The following OSTM1 variants were observed in gnomAD, a reference collection of about 807,000 sequenced individuals.
OSTM1 encodes osteoclastogenesis associated transmembrane protein 1.
In OSTM1, 26 loss-of-function variants were observed where a neutral mutation model predicts 35.4. That is an observed-to-expected ratio of 0.73 (90% CI 0.54 to 1.02). OSTM1 has a LOEUF of 1.02. Among genes scored for constraint, OSTM1 ranks in the 50% least tolerant of loss-of-function variants. The pLI is 0.00. For missense variants in OSTM1, 366 were observed against 409.6 expected, an observed-to-expected ratio of 0.89 and a Z score of 0.92; for synonymous variants, 181 against 165.0, an observed-to-expected ratio of 1.10 and a Z score of -0.75.
chr6:108,070,503 C>T (rs180783866), intron 1 of OSTM1, among the ~76,000 whole-genome samples: 13 of 152,202 alleles, frequency 8.5e-5, no homozygotes, highest in Non-Finnish European at 1.9e-4. Flanking sequence ...TCTTTTCCTT[C>T]TTATCCTTTT....
chr6:108,069,422 T>G (rs1158370599), intron 1 of OSTM1, among the ~76,000 whole-genome samples: 1 of 152,216 alleles, frequency 6.6e-6, no homozygotes, highest in Non-Finnish European at 1.5e-5. Context: ...GTATATTGAA[T>G]ACTCACCAAA....
chr6:108,049,119 G>T, intron 5 of OSTM1, 134 bp downstream of exon 5: 1 of 663,658 alleles, frequency 1.5e-6, no homozygotes, highest in Non-Finnish European at 2.6e-6. Context: ...AAGCATGATT[G>T]TAAAACTTAA....
chr6:108,064,084 A>AGT, intron 2 of OSTM1, 101 bp downstream of exon 2: 1 of 714,984 alleles, frequency 1.4e-6, no homozygotes, highest in South Asian at 1.5e-5. Flanking sequence ...AGCAATAAAA[A>AGT]GTATTATCCA....
intron 5 of OSTM1, among the ~76,000 whole-genome samples, chr6:108,046,956 T>C (rs1771987280): frequency 1.3e-5 from 2 of 152,292 alleles, no homozygotes; most frequent in Admixed American, 1.3e-4. Context: ...ATTCCCTACC[T>C]GATAAATCCC....
intron 5 of OSTM1, among the ~76,000 whole-genome samples, chr6:108,048,543 G>T (rs919875415): frequency 3.9e-5 from 6 of 152,088 alleles, no homozygotes; most frequent in Non-Finnish European, 5.9e-5. Flanking sequence ...CAAACTGTCT[G>T]TTATGTCAGC....
chr6:108,074,694 GCC>G lies in OSTM1; in HGVS notation c.-45_-44del. 6.7e-7 allele frequency: 1 copy of G among 1,484,940 alleles called. No individual in the cohort carries two copies. Among genetic ancestry groups the G allele is most frequent in the South Asian group, 1.3e-5 (1 of 78,616 alleles). 92.0% of individuals were successfully genotyped at this position (1,484,940 alleles called of 1,614,324 possible). ...CCAGGGAGCCCACCGCCGCCTCTCCGCCCCCAGCCGGCACCGCGGACAGCCGC... is the reference window on the plus strand; with the variant it reads ...CCAGGGAGCCCACCGCCGCCTCTCCGCCCAGCCGGCACCGCGGACAGCCGC... On this transcript the variant is annotated 5_prime_UTR_variant, in exon 1 of 6. Transcript: ENST00000193322.
chr6:108,045,888 T>A (rs1771959936), intron 5 of OSTM1, among the ~76,000 whole-genome samples: 1 of 152,238 alleles, frequency 6.6e-6, no homozygotes, highest in African/African-American at 2.4e-5. Flanking sequence ...GGGGTTATGA[T>A]TTAGAAGCTC....
chr6:108,065,243 T>C (rs1420275721), intron 1 of OSTM1, among the ~76,000 whole-genome samples: 2 of 150,746 alleles, frequency 1.3e-5, no homozygotes, highest in African/African-American at 2.4e-5. Flanking sequence ...TTATCACTTT[T>C]TTTTTTTTTT....
At chr6:108,048,432 G>A (rs1286872919) in intron 5 of OSTM1, among the ~76,000 whole-genome samples, 1 of 152,158 alleles carries the variant, frequency 6.6e-6, no homozygotes, top group Non-Finnish European at 1.5e-5. Flanking sequence ...TTTTGCTCTG[G>A]CCTATTTCAT....
Position 108,042,359 on chromosome 6 carries a change from C to A in OSTM1, c.*2426G>T, listed in dbSNP as rs1478855611. 6.0e-5 allele frequency: 9 copies of A among 149,126 alleles called. No individual in the cohort carries two copies. Among genetic ancestry groups the A allele is most frequent in the Non-Finnish European group, 1.3e-4 (9 of 67,382 alleles). The allele number at this position is 149,126 out of a possible 1,614,324, so 9.2% of individuals were successfully genotyped here. ...TCTCTCAAGTTCAACAATAAATAAT[C>A]CAAAGTACATTTTTATTTGCAGCAA... On this transcript the variant is annotated 3_prime_UTR_variant, in exon 6 of 6. Transcript: ENST00000193322.
chr6:108,049,300 A>C lies in OSTM1; in HGVS notation c.902T>G (p.Leu301Arg). The change falls in exon 5 of 6, where the codon CTT becomes CGT. Residue 301 changes from leucine (L) to arginine (R), a missense_variant. Physicochemically the swap from Leu to Arg is moderately radical, Grantham distance 102. This residue lies in a region of OSTM1 where 125 missense variants were observed against 151.7 expected (regional missense o/e 0.82). Coordinates refer to ENST00000193322, the MANE Select transcript of OSTM1 (RefSeq NM_014028.4). ...TTGCTCTGAGTGAAGAAAGCTACTAAGGTAGAAGACAACAGGTAGAAAGAG... is the reference window on the plus strand; with the variant it reads ...TTGCTCTGAGTGAAGAAAGCTACTACGGTAGAAGACAACAGGTAGAAAGAG... ...FILFLPVVFY[L>R]SSFLHSEQKK... is the part of the protein sequence containing the mutation. 1 of 1,613,308 alleles carries C rather than the reference A, an allele frequency of 6.2e-7. No homozygotes were observed. Among genetic ancestry groups the C allele is most frequent in the South Asian group, 1.1e-5 (1 of 91,028 alleles).
chr6:108,069,324 C>T (rs1272362166), intron 1 of OSTM1, among the ~76,000 whole-genome samples: 2 of 152,148 alleles, frequency 1.3e-5, no homozygotes. Context: ...ATTTTCTGAT[C>T]TCTAATGAAA....
In OSTM1 at chr6:108,042,019, AATTAGCATTGTTCC is replaced by A. The variant is rs1771875227; in HGVS notation, c.*2752_*2765del. On this transcript the variant is annotated 3_prime_UTR_variant, in exon 6 of 6. Transcript: ENST00000193322. ...TGTCTTTGGCCAGGAATGCAATCCTAATTAGCATTGTTCCAGGAAAACATTTCATTTTATAGGGA... is the reference window on the plus strand; with the variant it reads ...TGTCTTTGGCCAGGAATGCAATCCTAAGGAAAACATTTCATTTTATAGGGA... The A allele has an allele frequency of 6.6e-6, 1 of 152,188 alleles. No individual in the cohort carries two copies. Among genetic ancestry groups the A allele is most frequent in the Admixed American group, 6.5e-5 (1 of 15,282 alleles). The allele number at this position is 152,188 out of a possible 1,614,324, so 9.4% of individuals were successfully genotyped here. A position where few individuals can be genotyped will look rare whatever the true frequency, so the allele number is the denominator to read the frequency against.
chr6:108,045,496 T>C (rs1562368574), intron 5 of OSTM1, among the ~76,000 whole-genome samples: 2 of 134,480 alleles, frequency 1.5e-5, no homozygotes, highest in Non-Finnish European at 1.6e-5. Context: ...AACTCTGTAA[T>C]GGGAAAAAAA....
intron 1 of OSTM1, among the ~76,000 whole-genome samples, chr6:108,070,084 C>T (rs1284479289): frequency 6.6e-6 from 1 of 152,024 alleles, no homozygotes; most frequent in African/African-American, 2.4e-5. Context: ...GTCACCCAGG[C>T]TGGAGTGCAG....
At position 108,072,739 on chromosome 6, in the gene OSTM1, CAG is replaced by C. The variant is rs553182259; in HGVS notation, c.402+1509_402+1510del. Among the ~76,000 whole-genome samples, 23 of 151,150 alleles carry C rather than the reference CAG, an allele frequency of 1.5e-4. No homozygotes were observed. The East Asian group carries it at 4.5e-3, about 29-fold the overall frequency. The stretch of plus-strand genomic sequence containing the variant: ...TAAATTCCCCAGTTATGTAAAATGA[CAG>C]ATTTTTATTTTATTTTTATTTATTT... On this transcript the variant is annotated intron_variant, in intron 1 of 5. Coordinates refer to ENST00000193322, the MANE Select transcript of OSTM1 (RefSeq NM_014028.4).
At chr6:108,056,351 T>C (rs1372033961) in intron 2 of OSTM1, among the ~76,000 whole-genome samples, 2 of 152,254 alleles carry the variant, frequency 1.3e-5, no homozygotes, top group Non-Finnish European at 2.9e-5. Flanking sequence ...AGTCTGATTC[T>C]TGAGCCTGCA....
At chr6:108,060,566 A>G (rs1314805896) in intron 2 of OSTM1, among the ~76,000 whole-genome samples, 1 of 151,908 alleles carries the variant, frequency 6.6e-6, no homozygotes, top group African/African-American at 2.4e-5. Context: ...AAAAACACAA[A>G]AATTGGCCAG....
At chr6:108,070,174 A>G (rs781423920) in intron 1 of OSTM1, among the ~76,000 whole-genome samples, 3 of 152,056 alleles carry the variant, frequency 2.0e-5, no homozygotes, top group Non-Finnish European at 4.4e-5. Flanking sequence ...AGTAGCTGGG[A>G]TTACAGGCAC....
Sources: gnomAD v4.1 joint callset for allele counts (sites outside exome capture counted in the v4.1 genomes callset) on GRCh38, gnomAD v4.1.1 for gene constraint, gnomAD v4.1.1 regional missense constraint, MANE v1.5 for transcripts, NCBI Gene and HGNC (gene_info 2026-07-23, HGNC 2026-07-21) for gene names.